STK35: variants seen among roughly 807,000 people sequenced by gnomAD.
STK35 encodes the protein serine/threonine-protein kinase 35.
A neutral mutation model predicts 37.3 loss-of-function variants in STK35; 17 were observed. The observed-to-expected ratio is 0.46, with a 90% CI of 0.31 to 0.68. The LOEUF is 0.68. Ranked by LOEUF, STK35 falls within the 30% of genes least tolerant of loss-of-function variation. The pLI is 0.05. For synonymous variants in STK35, 385 were observed against 319.1 expected (o/e 1.21, Z -2.20); for missense variants, 595 against 746.7 (o/e 0.80, Z 2.37).
intron 3 of STK35, among the ~76,000 whole-genome samples, chr20:2,119,350 G>C (rs1032364667): frequency 1.3e-5 from 2 of 152,190 alleles, no homozygotes; most frequent in African/African-American, 4.8e-5. Context: ...TGGCACATTT[G>C]AGAGACTAGA....
Position 2,147,909 on chromosome 20 carries a change from C to T in STK35, c.*4163C>T, listed in dbSNP as rs912219202. 6.6e-6 allele frequency: 1 copy of T among 152,164 alleles called. No homozygotes were observed. Among genetic ancestry groups the T allele is most frequent in the Non-Finnish European group, 1.5e-5 (1 of 68,040 alleles). The allele number at this position is 152,164 out of a possible 1,614,324, so 9.4% of individuals were successfully genotyped here. A position where few individuals can be genotyped will look rare whatever the true frequency, so the allele number is the denominator to read the frequency against. ...TCGTACTGGGCTGTGGCACAGCCTTCGAGACAACACGGGTGTATCTCTGAT... is the reference window on the plus strand; with the variant it reads ...TCGTACTGGGCTGTGGCACAGCCTTTGAGACAACACGGGTGTATCTCTGAT... On this transcript the variant is annotated 3_prime_UTR_variant, in exon 4 of 4. Coordinates refer to ENST00000381482, the MANE Select transcript of STK35 (RefSeq NM_080836.4).
intron 2 of STK35, among the ~76,000 whole-genome samples, chr20:2,111,403 A>T (rs920998412): frequency 6.6e-6 from 1 of 152,236 alleles, no homozygotes. Flanking sequence ...CATCTCTAAA[A>T]TACGTCAGTG....
chr20:2,111,042 C>T (rs570432952), intron 2 of STK35, among the ~76,000 whole-genome samples: 11 of 152,350 alleles, frequency 7.2e-5, no homozygotes, highest in African/African-American at 2.6e-4. Flanking sequence ...AGAGCACTCT[C>T]TGAATTCTTC....
chr20:2,125,455 G>T (rs919844742), intron 3 of STK35, among the ~76,000 whole-genome samples: 1 of 152,224 alleles, frequency 6.6e-6, no homozygotes, highest in African/African-American at 2.4e-5. Flanking sequence ...TGAGAGCCAG[G>T]ATTTGAGACG....
chr20:2,134,963 G>A (rs973015045), intron 3 of STK35, among the ~76,000 whole-genome samples: 13 of 152,182 alleles, frequency 8.5e-5, no homozygotes, highest in African/African-American at 3.1e-4. Flanking sequence ...TGCAGAACCT[G>A]TGCATCCTTG....
intron 3 of STK35, among the ~76,000 whole-genome samples, chr20:2,130,584 CTTTA>C (rs757109889): frequency 2.6e-5 from 4 of 152,210 alleles, no homozygotes; most frequent in East Asian, 1.9e-4. Flanking sequence ...CTCGCTCTCT[CTTTA>C]TTTATTTATT....
rs372651913 is a variant in STK35, at chr20:2,107,272, A to C, written c.892+3907A>C. 8.5e-5 allele frequency among the ~76,000 whole-genome samples: 13 copies of C among 152,388 alleles called. No homozygotes were observed. In the South Asian group the frequency reaches 2.5e-3, roughly 29 times the overall value. On this transcript the variant is annotated intron_variant, in intron 2 of 3. Coordinates refer to ENST00000381482, the MANE Select transcript of STK35 (RefSeq NM_080836.4). The stretch of plus-strand genomic sequence containing the variant: ...AAATAGCAAGTGAGGACACACTCAC[A>C]GACACTAATCCAGGACAAACTCTCA...
intron 3 of STK35, among the ~76,000 whole-genome samples, chr20:2,119,887 A>G (rs755513309): frequency 6.6e-6 from 1 of 152,094 alleles, no homozygotes; most frequent in Non-Finnish European, 1.5e-5. Flanking sequence ...TTTCATGTGT[A>G]GTGTTCTCAG....
chr20:2,136,401 G>A (rs184953674), intron 3 of STK35, among the ~76,000 whole-genome samples: 2 of 152,300 alleles, frequency 1.3e-5, no homozygotes, highest in East Asian at 3.9e-4. Flanking sequence ...CCTGTAGCAT[G>A]GTAGAAAAAT....
Position 2,137,279 on chromosome 20 carries a change from G to A in STK35, c.*38-6505G>A, listed in dbSNP as rs114101706. Among the ~76,000 whole-genome samples, 1,313 of 152,296 alleles carry A rather than the reference G, an allele frequency of 8.6e-3. 20 individuals carry two copies. The highest frequency in any genetic ancestry group is 0.029 in the African/African-American group (1,225 of 41,562). On this transcript the variant is annotated intron_variant, in intron 3 of 3. Transcript: ENST00000381482. ...TTAGGCTGAGCAAACTGAGGCTCGG[G>A]GGACCCTGACTTGGTGAAGGTCAGC...
chr20:2,148,525 G>A lies in STK35; in HGVS notation c.*4779G>A, dbSNP rs1021559988. The A allele has an allele frequency of 6.6e-6, 1 of 152,604 alleles. No homozygotes were observed. 9.5% of individuals were successfully genotyped at this position (152,604 alleles called of 1,614,324 possible). ...TTTGTGTGAATAAAGTTATTTGATG[G>A]GGTCAAAGAAGCCATATGTGATTTG... On this transcript the variant is annotated 3_prime_UTR_variant, in exon 4 of 4. Coordinates refer to ENST00000381482, the MANE Select transcript of STK35 (RefSeq NM_080836.4).
At chr20:2,134,282 G>C (rs1986048279) in intron 3 of STK35, among the ~76,000 whole-genome samples, 1 of 151,658 alleles carries the variant, frequency 6.6e-6, no homozygotes, top group African/African-American at 2.4e-5. Flanking sequence ...AAAAAAGATG[G>C]GGCGGGTCTC....
rs1986306673 is a variant in STK35 at position 2,148,216 on chromosome 20, A to G, written c.*4470A>G. The G allele has an allele frequency of 6.6e-6, 1 of 152,638 alleles. No homozygotes were observed. Among genetic ancestry groups the G allele is most frequent in the African/African-American group, 2.4e-5 (1 of 41,456 alleles). The allele number at this position is 152,638 out of a possible 1,614,324, so 9.5% of individuals were successfully genotyped here. ...TCTTTTCATCAGAGCCGGGGAGTAC[A>G]TTGCAGTGACTTCTTAAACATTTGT... is the stretch of plus-strand genomic sequence containing the variant. On this transcript the variant is annotated 3_prime_UTR_variant, in exon 4 of 4. Coordinates refer to ENST00000381482, the MANE Select transcript of STK35 (RefSeq NM_080836.4).
chr20:2,127,522 A>G (rs1365494954), intron 3 of STK35, among the ~76,000 whole-genome samples: 2 of 152,244 alleles, frequency 1.3e-5, no homozygotes, highest in Non-Finnish European at 2.9e-5. Context: ...ATAGAACAGC[A>G]GAAATAAGTG....
intron 3 of STK35, among the ~76,000 whole-genome samples, chr20:2,126,131 G>GT (rs1985901140): frequency 6.6e-6 from 1 of 152,220 alleles, no homozygotes; most frequent in Non-Finnish European, 1.5e-5. Flanking sequence ...ACTTAAGCAA[G>GT]GGATTCCGTC....
At chr20:2,107,966 T>C (rs1474936054) in intron 2 of STK35, among the ~76,000 whole-genome samples, 4 of 152,224 alleles carry the variant, frequency 2.6e-5, no homozygotes, top group Non-Finnish European at 5.9e-5. Flanking sequence ...CAGGTTGCTA[T>C]GTATCAGGTG....
intron 3 of STK35, among the ~76,000 whole-genome samples, chr20:2,126,248 T>A (rs1039335404): frequency 6.6e-6 from 1 of 152,164 alleles, no homozygotes; most frequent in Non-Finnish European, 1.5e-5. Context: ...GTGGAGGCAT[T>A]GATTGTTTAG....
At chr20:2,103,888 T>C (rs865858663) in intron 2 of STK35, among the ~76,000 whole-genome samples, 5 of 152,166 alleles carry the variant, frequency 3.3e-5, no homozygotes, top group Non-Finnish European at 5.9e-5. Flanking sequence ...CCTTTTCCTC[T>C]GAGGCCCCCG....
intron 3 of STK35, among the ~76,000 whole-genome samples, chr20:2,139,600 G>A (rs1986140088): frequency 6.6e-6 from 1 of 152,134 alleles, no homozygotes; most frequent in African/African-American, 2.4e-5. Context: ...TTCTCTCTGA[G>A]CTTCAGTTTT....
Sources: gnomAD v4.1 joint callset for allele counts (sites outside exome capture counted in the v4.1 genomes callset) on GRCh38, gnomAD v4.1.1 for gene constraint, MANE v1.5 for transcripts, NCBI Gene and HGNC (gene_info 2026-07-23, HGNC 2026-07-21) for gene names.